SESN1: variants seen among roughly 807,000 people sequenced by gnomAD.
SESN1 encodes the protein sestrin-1.
In SESN1, 30 loss-of-function variants were observed where a neutral mutation model predicts 59.3. That is an observed-to-expected ratio of 0.51 (90% CI 0.38 to 0.69). The LOEUF (loss-of-function observed/expected upper bound fraction) is 0.69, where lower values mean the gene tolerates loss of function less well. Ranked by LOEUF, SESN1 falls within the 30% of genes least tolerant of loss-of-function variation. The probability of loss-of-function intolerance (pLI) is 0.00; values close to 1 mark genes in which losing one functional copy is unlikely to be tolerated. For synonymous variants in SESN1, 197 were observed against 219.9 expected (o/e 0.90, Z 0.92); for missense variants, 566 against 673.0 (o/e 0.84, Z 1.76).
At chr6:109,086,691 G>T (rs1374857496) in intron 1 of SESN1, among the ~76,000 whole-genome samples, 4 of 152,158 alleles carry the variant, frequency 2.6e-5, no homozygotes, top group African/African-American at 9.7e-5. Context: ...TGATCTTAAA[G>T]TAAAATTTAC....
At chr6:109,010,149 C>T (rs1251341954) in intron 1 of SESN1, among the ~76,000 whole-genome samples, 2 of 152,152 alleles carry the variant, frequency 1.3e-5, no homozygotes, top group Admixed American at 1.3e-4. Context: ...CTTTTTTCCT[C>T]TCAAGTATAT....
intron 1 of SESN1, among the ~76,000 whole-genome samples, chr6:109,075,710 T>C (rs901753383): frequency 6.6e-6 from 1 of 152,206 alleles, no homozygotes; most frequent in African/African-American, 2.4e-5. Flanking sequence ...TAGGAGACCC[T>C]GAAACAGGGA....
intron 1 of SESN1, among the ~76,000 whole-genome samples, chr6:109,078,623 T>C (rs1387221955): frequency 6.6e-6 from 1 of 152,192 alleles, no homozygotes; most frequent in Non-Finnish European, 1.5e-5. Context: ...TACCATAAAA[T>C]TTCACATTTT....
chr6:109,004,681 C>T (rs1010627021), intron 1 of SESN1, among the ~76,000 whole-genome samples: 5 of 152,142 alleles, frequency 3.3e-5, no homozygotes, highest in Non-Finnish European at 5.9e-5. Flanking sequence ...GCGCCCACCT[C>T]GGCCTCCCAA....
chr6:109,086,773 A>G lies in SESN1; in HGVS notation c.279+7022T>C, dbSNP rs77403977. ...TAAACAAAATAACTATGTTAGAAAA[A>G]TATTTTTTAAATGAATCAGTTTTTT... is the stretch of plus-strand genomic sequence containing the variant. On this transcript the variant is annotated intron_variant, in intron 1 of 9. Transcript: ENST00000436639. Among the ~76,000 whole-genome samples the G allele has an allele frequency of 7.8e-3, 1,190 of 152,338 alleles. 21 individuals carry two copies. Among genetic ancestry groups the G allele is most frequent in the African/African-American group, 0.027 (1,143 of 41,578 alleles).
At chr6:109,025,802 G>A (rs866159315) in intron 1 of SESN1, among the ~76,000 whole-genome samples, 1 of 151,926 alleles carries the variant, frequency 6.6e-6, no homozygotes, top group Non-Finnish European at 1.5e-5. Flanking sequence ...TGAAATTTAT[G>A]AGAGAGAAAA....
At position 108,994,451 on chromosome 6, in the gene SESN1, G is replaced by A; in HGVS notation, c.1120+11C>T. 2 of 1,603,954 alleles carry A rather than the reference G, an allele frequency of 1.2e-6. No homozygotes were observed. Among genetic ancestry groups the A allele is most frequent in the Non-Finnish European group, 8.5e-7 (1 of 1,174,350 alleles). ...CAATAATTATATTGACTATATAATG[G>A]TTGTTCTTACCTGAAGAGAAGACAA... On this transcript the variant is annotated intron_variant, in intron 6 of 9. Coordinates refer to ENST00000436639, the MANE Select transcript of SESN1 (RefSeq NM_014454.3).
intron 1 of SESN1, among the ~76,000 whole-genome samples, chr6:109,046,299 G>A (rs1247753014): frequency 4.0e-5 from 6 of 151,834 alleles, no homozygotes; most frequent in South Asian, 2.1e-4. Flanking sequence ...TGGCCGGGCC[G>A]GTCTCCAGCC....
rs144774782 is a variant in SESN1, at chr6:109,039,336, C to T, written c.280-36993G>A. Among the ~76,000 whole-genome samples, 27 of 152,308 alleles carry T rather than the reference C, an allele frequency of 1.8e-4. 1 individual carries two copies. The highest frequency in any genetic ancestry group is 6.5e-4 in the African/African-American group (27 of 41,572). ...ATTTAAGTCATAATAGCTTATTAAT[C>T]ATACCATCTTACATTCTCAAACATG... On this transcript the variant is annotated intron_variant, in intron 1 of 9. Coordinates refer to ENST00000436639, the MANE Select transcript of SESN1 (RefSeq NM_014454.3).
In SESN1 at chr6:109,017,023, T is replaced by C. The variant is rs374464855; in HGVS notation, c.280-14680A>G. On this transcript the variant is annotated intron_variant, in intron 1 of 9. Transcript: ENST00000436639. ...TTGGTAAAATAATGCTATTATTTTA[T>C]ATATTTTATATTTTATATGCTTTCA... Among the ~76,000 whole-genome samples the C allele has an allele frequency of 6.6e-5, 10 of 152,106 alleles. No homozygotes were observed. In the South Asian group the frequency reaches 1.2e-3, roughly 19 times the overall value.
chr6:108,999,801 C>A (rs1427821304), intron 4 of SESN1: 1 of 152,040 alleles, frequency 6.6e-6, no homozygotes, highest in African/African-American at 2.4e-5. Flanking sequence ...AAACTTTTGT[C>A]GACAAAAAAC....
At chr6:109,047,384 G>A (rs1583286147) in intron 1 of SESN1, among the ~76,000 whole-genome samples, 1 of 138,702 alleles carries the variant, frequency 7.2e-6, no homozygotes, top group African/African-American at 2.6e-5. Flanking sequence ...CCCCGTCCGG[G>A]AGGTGAGGGG....
intron 1 of SESN1, among the ~76,000 whole-genome samples, chr6:109,065,615 T>G (rs1018532424): frequency 6.6e-6 from 1 of 151,994 alleles, no homozygotes; most frequent in East Asian, 1.9e-4. Flanking sequence ...AAGCAAGATA[T>G]TGGGCCATTG....
intron 1 of SESN1, among the ~76,000 whole-genome samples, chr6:109,032,659 T>C (rs115265036): frequency 0.01 from 1,540 of 151,904 alleles, 28 homozygotes; most frequent in African/African-American, 0.035. Flanking sequence ...AGAAGACAGA[T>C]ACATATATAA....
rs750969015 is a variant in SESN1, at chr6:108,988,677, AATC to A, written c.1432_1434del (p.Asp478del). On this transcript the variant is annotated inframe_deletion, in exon 9 of 10. Coordinates refer to ENST00000436639, the MANE Select transcript of SESN1 (RefSeq NM_014454.3). ...AGCTGGTTAATTTCACCATAGTCAT[AATC>A]ATCATATCTGTTGAAAGACATAATG... 5 of 1,606,070 alleles carry A rather than the reference AATC, an allele frequency of 3.1e-6. No homozygotes were observed. Among genetic ancestry groups the A allele is most frequent in the South Asian group, 1.1e-5 (1 of 89,740 alleles).
intron 1 of SESN1, among the ~76,000 whole-genome samples, chr6:109,011,532 G>A (rs1195073687): frequency 6.6e-6 from 1 of 152,012 alleles, no homozygotes; most frequent in African/African-American, 2.4e-5. Flanking sequence ...TAGAGCACTA[G>A]AGTGAATTAG....
chr6:109,026,398 G>C (rs1010338459), intron 1 of SESN1, among the ~76,000 whole-genome samples: 3 of 152,188 alleles, frequency 2.0e-5, no homozygotes, highest in African/African-American at 7.2e-5. Flanking sequence ...CACCTACCCA[G>C]AATAGTACAT....
At chr6:109,069,660 G>A (rs1220675944) in intron 1 of SESN1, among the ~76,000 whole-genome samples, 1 of 151,918 alleles carries the variant, frequency 6.6e-6, no homozygotes, top group Non-Finnish European at 1.5e-5. Flanking sequence ...TCCCACCTCA[G>A]CATCCCAAGT....
chr6:109,028,470 T>A (rs747139125), intron 1 of SESN1, among the ~76,000 whole-genome samples: 65 of 152,192 alleles, frequency 4.3e-4, no homozygotes, highest in African/African-American at 1.5e-3. Flanking sequence ...CATTTGCATG[T>A]ATGTATGTTA....
Sources: gnomAD v4.1 joint callset for allele counts (sites outside exome capture counted in the v4.1 genomes callset) on GRCh38, gnomAD v4.1.1 for gene constraint, MANE v1.5 for transcripts, NCBI Gene and HGNC (gene_info 2026-07-23, HGNC 2026-07-21) for gene names.